Variants in RAB6A observed in about 807,000 individuals in gnomAD.
RAB6A encodes the protein ras-related protein Rab-6A.
Under a neutral mutation model 32.3 loss-of-function variants are expected in RAB6A, and 8 were observed. The ratio of observed to expected loss-of-function variants is 0.25; its 90% CI spans 0.15 to 0.45. RAB6A has a LOEUF of 0.45. Ranked by LOEUF, RAB6A falls within the 20% of genes least tolerant of loss-of-function variation. The probability of loss-of-function intolerance (pLI) is 1.00; values close to 1 mark genes in which losing one functional copy is unlikely to be tolerated. For synonymous variants in RAB6A, 73 were observed against 82.1 expected (o/e 0.89, Z 0.60); for missense variants, 104 against 249.4 (o/e 0.42, Z 3.93).
chr11:73,700,214 G>A (rs1295042080), intron 6 of RAB6A, among the ~76,000 whole-genome samples: 2 of 152,164 alleles, frequency 1.3e-5, no homozygotes, highest in East Asian at 3.8e-4. Context: ...AAAGCCAGGT[G>A]AAGGCTAAAG....
chr11:73,725,365 AAC>A (rs1946200317), intron 2 of RAB6A, among the ~76,000 whole-genome samples: 1 of 152,252 alleles, frequency 6.6e-6, no homozygotes, highest in Non-Finnish European at 1.5e-5. Context: ...CTGGGTTCAT[AAC>A]ACGAATTTTG....
intron 6 of RAB6A, among the ~76,000 whole-genome samples, chr11:73,692,295 G>C (rs572677761): frequency 1.9e-4 from 29 of 151,544 alleles, no homozygotes; most frequent in Admixed American, 1.6e-3. Context: ...ATGAGGTCAG[G>C]AGATCAAGAC....
intron 1 of RAB6A, among the ~76,000 whole-genome samples, chr11:73,736,817 A>AG (rs1399290637): frequency 7.0e-6 from 1 of 143,784 alleles, no homozygotes; most frequent in African/African-American, 2.6e-5. Context: ...AAGAAAAAAA[A>AG]AAAAAAAAAC....
chr11:73,683,341 G>A (rs1245777019), intron 6 of RAB6A, among the ~76,000 whole-genome samples: 2 of 136,642 alleles, frequency 1.5e-5, no homozygotes, highest in Non-Finnish European at 3.1e-5. Context: ...CTGAGGTCTC[G>A]ACCTCATGGG....
At chr11:73,745,321 C>A (rs1946569947) in intron 1 of RAB6A, among the ~76,000 whole-genome samples, 1 of 152,164 alleles carries the variant, frequency 6.6e-6, no homozygotes, top group South Asian at 2.1e-4. Context: ...TGGAGAGAAA[C>A]TTCACCAAGT....
At chr11:73,697,777 C>T (rs1190547659) in intron 6 of RAB6A, among the ~76,000 whole-genome samples, 1 of 152,204 alleles carries the variant, frequency 6.6e-6, no homozygotes, top group Non-Finnish European at 1.5e-5. Context: ...ATTATTGTAT[C>T]CCCAGTGCCT....
At chr11:73,716,230 A>G in intron 5 of RAB6A, 21 bp downstream of exon 5, 1 of 1,524,572 alleles carries the variant, frequency 6.6e-7, no homozygotes, top group Non-Finnish European at 9.1e-7. Context: ...AACATTACAC[A>G]CATATAAAAT....
At chr11:73,756,516 A>T (rs1946752946) in intron 1 of RAB6A, among the ~76,000 whole-genome samples, 1 of 152,228 alleles carries the variant, frequency 6.6e-6, no homozygotes, top group Non-Finnish European at 1.5e-5. Context: ...CTGCCATTAC[A>T]TCTCCTAATT....
rs1946147638 is a variant in RAB6A at position 73,722,321 on chromosome 11, A to ATT, written c.130-1423_130-1422insAA. 2.8e-4 allele frequency: 3 copies of ATT among 10,784 alleles called. No homozygotes were observed. The East Asian group carries it at 0.018, about 63-fold the overall frequency. The allele number at this position is 10,784 out of a possible 1,614,324, so 0.7% of individuals were successfully genotyped here. On this transcript the variant is annotated intron_variant, in intron 2 of 7. Coordinates refer to ENST00000336083, the MANE Select transcript of RAB6A (RefSeq NM_198896.2). ...TGTGTGTGTGTATATATATATATAT[A>ATT]TATATATATATATATATATATATTT...
chr11:73,718,420 C>T (rs112965677), intron 4 of RAB6A, among the ~76,000 whole-genome samples, 193 bp downstream of exon 4: 6 of 152,282 alleles, frequency 3.9e-5, no homozygotes, highest in African/African-American at 1.4e-4. Flanking sequence ...GGCAAAAAAC[C>T]TGGCACAGTT....
At chr11:73,731,686 A>G (rs551169900) in intron 1 of RAB6A, among the ~76,000 whole-genome samples, 1 of 27,604 alleles carries the variant, frequency 3.6e-5, no homozygotes, top group African/African-American at 1.1e-4. Flanking sequence ...GATAGATATT[A>G]TATATATATA....
At chr11:73,681,909 A>G (rs1438268462) in intron 6 of RAB6A, among the ~76,000 whole-genome samples, 3 of 152,190 alleles carry the variant, frequency 2.0e-5, no homozygotes, top group Non-Finnish European at 2.9e-5. Context: ...GAAAATGGGG[A>G]AAACTCTAAT....
chr11:73,711,993 C>CT (rs1429113896), intron 5 of RAB6A, among the ~76,000 whole-genome samples: 2 of 152,066 alleles, frequency 1.3e-5, no homozygotes, highest in African/African-American at 4.8e-5. Context: ...TTTTTAGAGG[C>CT]TTTTTTATTT....
chr11:73,713,476 G>A (rs915794976), intron 5 of RAB6A, among the ~76,000 whole-genome samples: 10 of 152,014 alleles, frequency 6.6e-5, no homozygotes, highest in Admixed American at 3.9e-4. Context: ...GCTGAGGCAG[G>A]AGAATGGCGT....
At chr11:73,758,128 G>T (rs1433468260) in intron 1 of RAB6A, among the ~76,000 whole-genome samples, 2 of 107,718 alleles carry the variant, frequency 1.9e-5, no homozygotes, top group Non-Finnish European at 3.6e-5. Context: ...AGGACATGGA[G>T]TCTACAGACT....
At chr11:73,682,406 G>A (rs1945374370) in intron 6 of RAB6A, among the ~76,000 whole-genome samples, 1 of 152,202 alleles carries the variant, frequency 6.6e-6, no homozygotes, top group Non-Finnish European at 1.5e-5. Flanking sequence ...GCTCACGCCT[G>A]TAATCCCAGT....
At chr11:73,752,395 G>A (rs1449308582) in intron 1 of RAB6A, among the ~76,000 whole-genome samples, 3 of 152,180 alleles carry the variant, frequency 2.0e-5, no homozygotes, top group African/African-American at 7.2e-5. Context: ...GGTAGAGGTT[G>A]GAGTAAGCCA....
chr11:73,752,096 AG>A (rs1946677865), intron 1 of RAB6A, among the ~76,000 whole-genome samples: 1 of 152,216 alleles, frequency 6.6e-6, no homozygotes, highest in South Asian at 2.1e-4. Flanking sequence ...ATATGCAGGA[AG>A]AAAAAAGTCA....
chr11:73,699,711 G>A (rs1014445520), intron 6 of RAB6A, among the ~76,000 whole-genome samples: 1 of 152,080 alleles, frequency 6.6e-6, no homozygotes, highest in African/African-American at 2.4e-5. Flanking sequence ...TTGAAGTTAG[G>A]AACCACATTT....
Sources: allele counts gnomAD v4.1 joint callset (sites outside exome capture counted in the v4.1 genomes callset), GRCh38; gene constraint gnomAD v4.1.1; transcripts MANE v1.5; gene names NCBI Gene and HGNC (gene_info 2026-07-23, HGNC 2026-07-21).